Variants in MYO5C observed in about 807,000 individuals in gnomAD.
The protein encoded by MYO5C is myosin VC.
A neutral mutation model predicts 235.7 loss-of-function variants in MYO5C; 194 were observed. That is an observed-to-expected ratio of 0.82 (90% CI 0.73 to 0.93). The LOEUF is 0.93. Among genes scored for constraint, MYO5C ranks in the 40% least tolerant of loss-of-function variants. The pLI, the probability that MYO5C is intolerant of heterozygous loss-of-function variation, is 0.00. For synonymous variants in MYO5C, 707 were observed against 754.8 expected, an observed-to-expected ratio of 0.94 and a Z score of 1.04; for missense variants, 2,038 against 2,127.2, an observed-to-expected ratio of 0.96 and a Z score of 0.82.
chr15:52,279,188 C>A (rs1209596297), intron 3 of MYO5C, among the ~76,000 whole-genome samples, 171 bp from the exon 4 acceptor site: 1 of 152,076 alleles, frequency 6.6e-6, no homozygotes, highest in African/African-American at 2.4e-5. Flanking sequence ...CACCCTCGGG[C>A]TGTTCTGACG....
chr15:52,214,734 T>A, intron 32 of MYO5C, 44 bp from the exon 33 acceptor site: 2 of 1,343,104 alleles, frequency 1.5e-6, no homozygotes, highest in South Asian at 1.4e-5. Context: ...AGAAGCACTT[T>A]AATCTATTTT....
At position 52,253,699 on chromosome 15, in the gene MYO5C, G is replaced by A. The variant is rs567422295; in HGVS notation, c.1396-242C>T. 8.7e-4 allele frequency among the ~76,000 whole-genome samples: 132 copies of A among 152,306 alleles called. 1 individual carries two copies. The highest frequency in any genetic ancestry group is 3.0e-3 in the African/African-American group (125 of 41,566). On this transcript the variant is annotated intron_variant, in intron 11 of 40. Transcript: ENST00000261839. ...TCTCTACCTCCTAGGACATGGCTTG[G>A]GCCAGCCTGTGTCACCACCAGCACC...
intron 10 of MYO5C, among the ~76,000 whole-genome samples, chr15:52,259,041 C>T (rs1023846278): frequency 2.0e-5 from 3 of 152,168 alleles, no homozygotes; most frequent in African/African-American, 4.8e-5. Context: ...CAGTCTCAGT[C>T]CCACGGTGGC....
In MYO5C at chr15:52,233,278, CA is replaced by C. The variant is rs1192361967; in HGVS notation, c.2963-594del. 1.4e-3 allele frequency among the ~76,000 whole-genome samples: 6 copies of C among 4,200 alleles called. 1 individual carries two copies. Among genetic ancestry groups the C allele is most frequent in the South Asian group, 7.6e-3 (2 of 264 alleles). 2.8% of individuals were successfully genotyped at this position (4,200 alleles called of 152,430 possible). The stretch of plus-strand genomic sequence containing the variant: ...TGGGCGACAGAGCGAGACTCCGTCT[CA>C]AAAAAAAAAAAAAAAAAATTAAAAA... On this transcript the variant is annotated intron_variant, in intron 23 of 40. Coordinates refer to ENST00000261839, the MANE Select transcript of MYO5C (RefSeq NM_018728.4).
intron 13 of MYO5C, among the ~76,000 whole-genome samples, chr15:52,250,620 C>A (rs1415569198): frequency 6.6e-6 from 1 of 152,158 alleles, no homozygotes; most frequent in Non-Finnish European, 1.5e-5. Context: ...GCTGTCCCCT[C>A]CCTCCACCAT....
At chr15:52,277,942 G>A (rs761214516) in intron 4 of MYO5C, 4 of 455,916 alleles carry the variant, frequency 8.8e-6, no homozygotes, top group African/African-American at 2.0e-5. Flanking sequence ...AAAGCGGAGG[G>A]AGCTCAGGAG....
intron 1 of MYO5C, among the ~76,000 whole-genome samples, chr15:52,283,714 T>C (rs1277603360): frequency 1.3e-5 from 2 of 152,186 alleles, no homozygotes; most frequent in Admixed American, 1.3e-4. Context: ...TCATTCTTGT[T>C]GCCCAGGCTG....
chr15:52,234,770 C>T (rs529583492), intron 23 of MYO5C, among the ~76,000 whole-genome samples: 41 of 152,308 alleles, frequency 2.7e-4, no homozygotes, highest in Non-Finnish European at 4.7e-4. Flanking sequence ...TTTACTCCCT[C>T]TTCACCAACA....
chr15:52,241,729 GGT>G (rs370672907), intron 20 of MYO5C, among the ~76,000 whole-genome samples: 8 of 149,338 alleles, frequency 5.4e-5, no homozygotes, highest in South Asian at 2.1e-4. Context: ...CAGTGCAACT[GGT>G]GTGTGTGTGT....
At position 52,205,078 on chromosome 15, in the gene MYO5C, C is replaced by T. The variant is rs771283105; in HGVS notation, c.4607G>A (p.Arg1536His). ...GTCCGTGTCGTCTATGCTAGAGGAG[C>T]GCTTCCGGAAGCCTGTGGGCTTCAG... is the stretch of plus-strand genomic sequence containing the variant. ...SGLKPTGFRK[R>H]SSSIDDTDGY... is the part of the protein sequence containing the mutation. Residue 1536 changes from arginine (R) to histidine (H), a missense_variant, in exon 38 of 41, where the codon CGC becomes CAC. Transcript: ENST00000261839. 4.3e-6 allele frequency: 7 copies of T among 1,614,214 alleles called. No individual in the cohort carries two copies. The highest frequency in any genetic ancestry group is 5.9e-6 in the Non-Finnish European group (7 of 1,180,042).
intron 29 of MYO5C, among the ~76,000 whole-genome samples, chr15:52,223,168 G>A (rs1255287458): frequency 7.1e-6 from 1 of 141,484 alleles, no homozygotes. Context: ...AAAAAAAAAG[G>A]TGAGATTTCA....
chr15:52,279,512 T>C lies in MYO5C; in HGVS notation c.301A>G (p.Ser101Gly), dbSNP rs369580191. 11 of 1,612,344 alleles carry C rather than the reference T, an allele frequency of 6.8e-6. No individual in the cohort carries two copies. Among genetic ancestry groups the C allele is most frequent in the Non-Finnish European group, 8.5e-7 (1 of 1,178,456 alleles). ...FAESKLIYTYSGIILVAMNPY... is the reference protein window; with the variant it reads ...FAESKLIYTYGGIILVAMNPY... The stretch of plus-strand genomic sequence containing the variant: ...TTCCTAGAATTGCTCTCCTTACCAC[T>C]GTAGGTGTAAATGAGTTTGGATTCT... The change falls in exon 3 of 41, where the codon AGT becomes GGT. Residue 101 changes from serine to glycine, a missense_variant. Transcript: ENST00000261839.
At chr15:52,279,402 A>T in intron 3 of MYO5C, 107 bp downstream of exon 3, 2 of 1,195,394 alleles carry the variant, frequency 1.7e-6, no homozygotes, top group South Asian at 1.8e-5. Flanking sequence ...ACTTCTTTTT[A>T]CAACAAACTC....
rs771834138 is a variant in MYO5C, at chr15:52,239,821, C to G, written c.2615G>C (p.Arg872Thr). The change falls in exon 21 of 41, where the codon AGA (arginine) becomes ACA (threonine). Residue 872 changes from arginine (R) to threonine (T), a missense_variant. Arg to Thr is a moderately conservative substitution (Grantham distance 71). Transcript: ENST00000261839. ...LQKYARAWLARRRFQSIRRFV... is the reference protein window; with the variant it reads ...LQKYARAWLATRRFQSIRRFV... ...TCGTCGGATACTCTGGAATCTGCGT[C>G]TGGCCAGCCACGCCCGTGCGTATTT... The G allele has an allele frequency of 6.2e-7, 1 of 1,613,488 alleles. No homozygotes were observed. The highest frequency in any genetic ancestry group is 1.1e-5 in the South Asian group (1 of 90,840).
intron 13 of MYO5C, chr15:52,251,038 T>C (rs2036462194): frequency 6.2e-6 from 1 of 160,480 alleles, no homozygotes; most frequent in Non-Finnish European, 1.4e-5. Context: ...TTTAATCAAA[T>C]AGAACTTCAG....
At chr15:52,265,322 T>A (rs1454457718) in intron 8 of MYO5C, 2 of 152,106 alleles carry the variant, frequency 1.3e-5, no homozygotes, top group Admixed American at 1.3e-4. Context: ...TTTTGCCAGG[T>A]CGGGATCCCC....
intron 14 of MYO5C, among the ~76,000 whole-genome samples, chr15:52,248,053 C>G (rs1452500635): frequency 6.6e-6 from 1 of 152,212 alleles, no homozygotes. Context: ...TGTATTTGTA[C>G]CTCATTTAAA....
intron 10 of MYO5C, among the ~76,000 whole-genome samples, chr15:52,258,061 C>G (rs1204549770): frequency 6.6e-6 from 1 of 152,200 alleles, no homozygotes; most frequent in Non-Finnish European, 1.5e-5. Flanking sequence ...AAGGGTCTCA[C>G]TGAGCTCTGC....
chr15:52,261,002 C>T lies in MYO5C; in HGVS notation c.1173G>A (p.Arg391=). 6.2e-7 allele frequency: 1 copy of T among 1,614,188 alleles called. No homozygotes were observed. The highest frequency in any genetic ancestry group is 1.3e-5 in the African/African-American group (1 of 75,042). The change falls in exon 10 of 41, where the codon AGG becomes AGA. Residue 391 remains arginine (R), a synonymous_variant. Transcript: ENST00000261839. Reference sequence around the variant, plus strand: ...CATCCCTGGCGTTGACAGCCTGAGGCCTGGTCATGGGTTTTACCACCGTCT... The same window carrying T: ...CATCCCTGGCGTTGACAGCCTGAGGTCTGGTCATGGGTTTTACCACCGTCT... ...SSETVVKPMT[R]PQAVNARDAL... is the part of the protein sequence containing the mutation.
Sources: gnomAD v4.1 joint callset for allele counts (sites outside exome capture counted in the v4.1 genomes callset) on GRCh38, gnomAD v4.1.1 for gene constraint, MANE v1.5 for transcripts, NCBI Gene and HGNC (gene_info 2026-07-23, HGNC 2026-07-21) for gene names.